ASB18: variants seen among roughly 807,000 people sequenced by gnomAD.
The protein encoded by ASB18 is ankyrin repeat and SOCS box containing 18.
A neutral mutation model predicts 33.4 loss-of-function variants in ASB18; 33 were observed. That is an observed-to-expected ratio of 0.99 (90% confidence interval 0.75 to 1.32). The LOEUF (loss-of-function observed/expected upper bound fraction) is 1.32. Among genes scored for constraint, ASB18 ranks in the 40% most tolerant of loss-of-function variants. The probability of loss-of-function intolerance (pLI) is 0.00; values close to 1 mark genes in which losing one functional copy is unlikely to be tolerated. For synonymous variants in ASB18, 295 were observed against 307.6 expected (o/e 0.96, Z 0.43); for missense variants, 694 against 655.5 (o/e 1.06, Z -0.64).
chr2:236,252,273 A>T lies in ASB18; in HGVS notation c.206-10871T>A, dbSNP rs2060671858. ...GCAACAGAGTGAGACTCCGTCACAC[A>T]CACACACACACACACACACACACAC... On this transcript the variant is annotated intron_variant, in intron 1 of 5. Coordinates refer to ENST00000409749, the MANE Select transcript of ASB18 (RefSeq NM_212556.4). The surrounding 1 kb of genome is among the most constrained non-coding windows in gnomAD (Gnocchi z 7.9). Among the ~76,000 whole-genome samples the T allele has an allele frequency of 8.9e-6, 1 of 112,098 alleles. No individual in the cohort carries two copies. Among genetic ancestry groups the T allele is most frequent in the Admixed American group, 7.9e-5 (1 of 12,640 alleles). The allele number at this position is 112,098 out of a possible 152,430, so 73.5% of individuals were successfully genotyped here.
rs1163211814 is a variant in ASB18 at position 236,194,859 on chromosome 2, A to G, written c.*13T>C. On this transcript the variant is annotated 3_prime_UTR_variant, in exon 6 of 6. Coordinates refer to ENST00000409749, the MANE Select transcript of ASB18 (RefSeq NM_212556.4). This position sits in a 1 kb window ranked among gnomAD's most constrained non-coding sequence, Gnocchi z 4.5. ...CGAGGAGAACAACAGTATTGGTTGC[A>G]GCGTTCTGCGTTTCAGTGCAAAACA... 4 of 1,608,692 alleles carry G rather than the reference A, an allele frequency of 2.5e-6. No homozygotes were observed. The highest frequency in any genetic ancestry group is 2.2e-5 in the South Asian group (2 of 89,844).
At position 236,209,045 on chromosome 2, in the gene ASB18, G is replaced by C. The variant is rs1340634498; in HGVS notation, c.1101+5317C>G. Among the ~76,000 whole-genome samples, 1 of 152,126 alleles carries C rather than the reference G, an allele frequency of 6.6e-6. No individual in the cohort carries two copies. The highest frequency in any genetic ancestry group is 1.5e-5 in the Non-Finnish European group (1 of 68,032). ...CCTCTCTCCTCCCACTGGGGACTGG[G>C]TGCACGCAACTCTGTGAAGATGGGA... On this transcript the variant is annotated intron_variant, in intron 4 of 5. Coordinates refer to ENST00000409749, the MANE Select transcript of ASB18 (RefSeq NM_212556.4). This position sits in a 1 kb window ranked among gnomAD's most constrained non-coding sequence, Gnocchi z 4.4.
chr2:236,198,279 GACA>G (rs1469311362), intron 4 of ASB18, among the ~76,000 whole-genome samples: 1 of 152,136 alleles, frequency 6.6e-6, no homozygotes, highest in African/African-American at 2.4e-5. Context: ...TAATATATAT[GACA>G]ACAATGGGTG....
chr2:236,214,438 TG>T lies in ASB18; in HGVS notation c.1024del (p.Gln342ArgfsTer28). On this transcript the variant is annotated frameshift_variant, in exon 4 of 6. Transcript: ENST00000409749. LOFTEE classifies it high-confidence loss of function. This position sits in a 1 kb window ranked among gnomAD's most constrained non-coding sequence, Gnocchi z 6.5. ...CTGCACCGTGCGCTGCGGTGAGGCC[TG>T]GAGAGCGCAGGATGCGGTCTGGAGC... ...RVLQTASCAL[Q>X]ASPQRTVQAL... is the part of the protein sequence containing the mutation. 6.5e-7 allele frequency: 1 copy of T among 1,549,506 alleles called. No individual in the cohort carries two copies. Among genetic ancestry groups the T allele is most frequent in the Middle Eastern group, 1.8e-4 (1 of 5,456 alleles).
Position 236,203,873 on chromosome 2 carries a change from C to A in ASB18, c.1102-7488G>T, listed in dbSNP as rs1343718109. 7.2e-6 allele frequency among the ~76,000 whole-genome samples: 1 copy of A among 138,820 alleles called. No individual in the cohort carries two copies. Among genetic ancestry groups the A allele is most frequent in the Non-Finnish European group, 1.6e-5 (1 of 62,588 alleles). 91.1% of individuals were successfully genotyped at this position (138,820 alleles called of 152,430 possible). ...CAGAGTGACACCCCCTCTCAAAAAC[C>A]AAACCAAACCAAACCAACCAACCAA... On this transcript the variant is annotated intron_variant, in intron 4 of 5. Transcript: ENST00000409749. The surrounding 1 kb of genome is among the most constrained non-coding windows in gnomAD (Gnocchi z 6.0).
intron 2 of ASB18, among the ~76,000 whole-genome samples, chr2:236,240,410 C>T (rs1167168431): frequency 1.3e-5 from 2 of 152,226 alleles, no homozygotes; most frequent in Non-Finnish European, 2.9e-5. Flanking sequence ...CTTTGCCTGC[C>T]AGAGCTTAAG....
chr2:236,241,748 A>T lies in ASB18; in HGVS notation c.206-346T>A, dbSNP rs910465621. Among the ~76,000 whole-genome samples, 1 of 152,156 alleles carries T rather than the reference A, an allele frequency of 6.6e-6. No individual in the cohort carries two copies. The highest frequency in any genetic ancestry group is 1.9e-4 in the East Asian group (1 of 5,186). The stretch of plus-strand genomic sequence containing the variant: ...AGCCACCCTCTTTGTGATGATACAG[A>T]TGCTAACTCTGGAGACAGACACATC... On this transcript the variant is annotated intron_variant, in intron 1 of 5. Coordinates refer to ENST00000409749, the MANE Select transcript of ASB18 (RefSeq NM_212556.4). This position sits in a 1 kb window ranked among gnomAD's most constrained non-coding sequence, Gnocchi z 4.2.
At chr2:236,218,351 A>G (rs1437003899) in intron 3 of ASB18, among the ~76,000 whole-genome samples, 1 of 152,248 alleles carries the variant, frequency 6.6e-6, no homozygotes, top group African/African-American at 2.4e-5. Flanking sequence ...GTCTGCTGGT[A>G]CACGGTGGCA....
rs1000195931 is a variant in ASB18, at chr2:236,196,020, G to A, written c.1215+252C>T. The A allele has an allele frequency of 3.7e-5, 19 of 506,870 alleles. No individual in the cohort carries two copies. Among genetic ancestry groups the A allele is most frequent in the Middle Eastern group, 5.4e-4 (1 of 1,838 alleles). The allele number at this position is 506,870 out of a possible 1,614,324, so 31.4% of individuals were successfully genotyped here. Reference sequence around the variant, plus strand: ...TGGACACTGGTTAAGGAACCCTCGCGCTTTTCAGGCCAGCACGGGGCTCTG... The same window carrying A: ...TGGACACTGGTTAAGGAACCCTCGCACTTTTCAGGCCAGCACGGGGCTCTG... On this transcript the variant is annotated intron_variant, in intron 5 of 5. Coordinates refer to ENST00000409749, the MANE Select transcript of ASB18 (RefSeq NM_212556.4). The surrounding 1 kb of genome is among the most constrained non-coding windows in gnomAD (Gnocchi z 5.6).
At chr2:236,258,338 T>TC (rs2060702759) in intron 1 of ASB18, among the ~76,000 whole-genome samples, 1 of 152,118 alleles carries the variant, frequency 6.6e-6, no homozygotes, top group Non-Finnish European at 1.5e-5. Context: ...TCCAGACCAA[T>TC]CCATTTTTGA....
rs914819437 is a variant in ASB18 at position 236,259,001 on chromosome 2, T to A, written c.205+5140A>T. On this transcript the variant is annotated intron_variant, in intron 1 of 5. Coordinates refer to ENST00000409749, the MANE Select transcript of ASB18 (RefSeq NM_212556.4). The surrounding 1 kb of genome is among the most constrained non-coding windows in gnomAD (Gnocchi z 4.4). The stretch of plus-strand genomic sequence containing the variant: ...TCAGTTGTTTCTTAAGTCGTTTGAT[T>A]ACACCAGTTACCAAATTGTACAGTT... Among the ~76,000 whole-genome samples, 4 of 152,210 alleles carry A rather than the reference T, an allele frequency of 2.6e-5. No homozygotes were observed. Among genetic ancestry groups the A allele is most frequent in the African/African-American group, 7.2e-5 (3 of 41,456 alleles).
chr2:236,251,246 C>T lies in ASB18; in HGVS notation c.206-9844G>A, dbSNP rs986341979. Among the ~76,000 whole-genome samples, 9 of 152,192 alleles carry T rather than the reference C, an allele frequency of 5.9e-5. No homozygotes were observed. Among genetic ancestry groups the T allele is most frequent in the Non-Finnish European group, 8.8e-5 (6 of 68,040 alleles). On this transcript the variant is annotated intron_variant, in intron 1 of 5. Transcript: ENST00000409749. The surrounding 1 kb of genome is among the most constrained non-coding windows in gnomAD (Gnocchi z 5.3). ...ACCGTGTATCCGCTGTGGATGAGTG[C>T]AAAACACAGCGGCCCAATCCTCAGC...
chr2:236,196,233 G>C lies in ASB18; in HGVS notation c.1215+39C>G, dbSNP rs762673255. 78 of 1,191,168 alleles carry C rather than the reference G, an allele frequency of 6.5e-5. No individual in the cohort carries two copies. Among genetic ancestry groups the C allele is most frequent in the Non-Finnish European group, 9.2e-5 (75 of 817,980 alleles). 73.8% of individuals were successfully genotyped at this position (1,191,168 alleles called of 1,614,324 possible). A position where few individuals can be genotyped will look rare whatever the true frequency, so the allele number is the denominator to read the frequency against. On this transcript the variant is annotated intron_variant, in intron 5 of 5. Coordinates refer to ENST00000409749, the MANE Select transcript of ASB18 (RefSeq NM_212556.4). This position sits in a 1 kb window ranked among gnomAD's most constrained non-coding sequence, Gnocchi z 5.6. ...TGCAAAGAAGCAAAAACAGACAAAAGTTTTGTACTAAAGATGGGCAGAAAG... is the reference window on the plus strand; with the variant it reads ...TGCAAAGAAGCAAAAACAGACAAAACTTTTGTACTAAAGATGGGCAGAAAG...
rs1333562731 is a variant in ASB18 at position 236,214,798 on chromosome 2, G to C, written c.665C>G (p.Pro222Arg). ...GCCGCGCTGCGCCGCCACGTGCAGC[G>C]GCGTGTCCCGGCCCGTGCCGCCCAC... ...QRVGGTGRDT[P>R]LHVAAQRGLD... Residue 222 changes from proline (P) to arginine (R), a missense_variant, in exon 4 of 6, where the codon CCG becomes CGG. By Grantham distance (103) the Pro-to-Arg change is moderately radical. Coordinates refer to ENST00000409749, the MANE Select transcript of ASB18 (RefSeq NM_212556.4). This position sits in a 1 kb window ranked among gnomAD's most constrained non-coding sequence, Gnocchi z 6.5. 6.6e-6 allele frequency: 8 copies of C among 1,207,974 alleles called. No individual in the cohort carries two copies. The highest frequency in any genetic ancestry group is 3.3e-4 in the Middle Eastern group (1 of 3,038). 74.8% of individuals were successfully genotyped at this position (1,207,974 alleles called of 1,614,324 possible). A position where few individuals can be genotyped will look rare whatever the true frequency, so the allele number is the denominator to read the frequency against.
rs1316233457 is a variant in ASB18, at chr2:236,217,378, TCCAG to T, written c.597-2516_597-2513del. 6.7e-6 allele frequency among the ~76,000 whole-genome samples: 1 copy of T among 148,366 alleles called. No individual in the cohort carries two copies. Among genetic ancestry groups the T allele is most frequent in the Admixed American group, 6.8e-5 (1 of 14,772 alleles). ...GCCAAGATCGTGCCCCTGAACTCCA[TCCAG>T]CCTGGGGGCAACAGAGCGAGACTCT... On this transcript the variant is annotated intron_variant, in intron 3 of 5. Coordinates refer to ENST00000409749, the MANE Select transcript of ASB18 (RefSeq NM_212556.4). This position sits in a 1 kb window ranked among gnomAD's most constrained non-coding sequence, Gnocchi z 5.2.
chr2:236,229,694 T>C lies in ASB18; in HGVS notation c.596+7995A>G, dbSNP rs1370423377. 2.0e-5 allele frequency among the ~76,000 whole-genome samples: 3 copies of C among 151,988 alleles called. No individual in the cohort carries two copies. Among genetic ancestry groups the C allele is most frequent in the South Asian group, 2.1e-4 (1 of 4,798 alleles). ...CTGGCTCTACTAAACATACAAAAAT[T>C]AGCTGGTGTGGTGGCATGCACCTGT... On this transcript the variant is annotated intron_variant, in intron 3 of 5. Coordinates refer to ENST00000409749, the MANE Select transcript of ASB18 (RefSeq NM_212556.4). The surrounding 1 kb of genome is among the most constrained non-coding windows in gnomAD (Gnocchi z 5.2).
intron 3 of ASB18, among the ~76,000 whole-genome samples, chr2:236,224,809 G>A (rs957994989): frequency 7.2e-5 from 11 of 152,210 alleles, no homozygotes; most frequent in South Asian, 2.1e-4. Flanking sequence ...ATTGGGTGCC[G>A]CCTCTCTCTG....
rs530140379 is a variant in ASB18, at chr2:236,194,557, A to C, written c.*315T>G. Among the ~76,000 whole-genome samples, 18 of 152,330 alleles carry C rather than the reference A, an allele frequency of 1.2e-4. No homozygotes were observed. The East Asian group carries it at 2.3e-3, about 20-fold the overall frequency. ...GCTGGTTCCCTAGAACCTATCGAAG[A>C]CCTTAAGTGAGGACTCACTGTACCT... is the stretch of plus-strand genomic sequence containing the variant. On this transcript the variant is annotated 3_prime_UTR_variant, in exon 6 of 6. Coordinates refer to ENST00000409749, the MANE Select transcript of ASB18 (RefSeq NM_212556.4). The surrounding 1 kb of genome is among the most constrained non-coding windows in gnomAD (Gnocchi z 4.5).
At position 236,220,450 on chromosome 2, in the gene ASB18, C is replaced by T. The variant is rs1426024538; in HGVS notation, c.597-5584G>A. Among the ~76,000 whole-genome samples the T allele has an allele frequency of 2.0e-5, 3 of 152,212 alleles. No individual in the cohort carries two copies. On this transcript the variant is annotated intron_variant, in intron 3 of 5. Transcript: ENST00000409749. This position sits in a 1 kb window ranked among gnomAD's most constrained non-coding sequence, Gnocchi z 5.1. ...TGTCCAGGCTTCCACTCTCTCGTCT[C>T]CCCTGCCTCCTGATCACCCTCTTTA...
Sources: gnomAD v4.1 joint callset for allele counts (sites outside exome capture counted in the v4.1 genomes callset) on GRCh38, gnomAD v4.1.1 for gene constraint, Gnocchi (gnomAD v3.1) non-coding constraint, MANE v1.5 for transcripts, NCBI Gene and HGNC (gene_info 2026-07-23, HGNC 2026-07-21) for gene names.